USH2A: variants seen among roughly 807,000 people sequenced by gnomAD.
USH2A encodes the protein usherin.
In USH2A, 443 loss-of-function variants were observed where a neutral mutation model predicts 538.9. The observed-to-expected ratio is 0.82, with a 90% CI of 0.76 to 0.89. USH2A has a LOEUF of 0.89. Ranked by LOEUF, USH2A falls within the 40% of genes least tolerant of loss-of-function variation. USH2A has a pLI of 0.00. For synonymous variants in USH2A, 2,413 were observed against 2,273.5 expected (o/e 1.06, Z -1.75); for missense variants, 6,633 against 6,324.8 (o/e 1.05, Z -1.65).
chr1:215,700,795 G>A (rs1454426163), intron 61 of USH2A, among the ~76,000 whole-genome samples: 1 of 151,952 alleles, frequency 6.6e-6, no homozygotes, highest in South Asian at 2.1e-4. Flanking sequence ...GGTTTTTCAT[G>A]TCTCTATCTT....
chr1:216,166,285 G>C (rs945753391), intron 21 of USH2A, among the ~76,000 whole-genome samples: 4 of 152,212 alleles, frequency 2.6e-5, no homozygotes, highest in Non-Finnish European at 4.4e-5. Flanking sequence ...TATGTTCAAA[G>C]AGATGGGCAT....
Position 215,996,560 on chromosome 1 carries a change from GTTTTTTTTTTTTTTTTTTTTTT to G in USH2A, c.6657+2305_6657+2326del, listed in dbSNP as rs753233925. On this transcript the variant is annotated intron_variant, in intron 34 of 71. Transcript: ENST00000307340. ...TTTGTTGAGAGTAGCAACATATTATGTTTTTTTTTTTTTTTTTTTTTTTTTTTTTTTTTTTGCAGTGGAAAGA... is the reference window on the plus strand; with the variant it reads ...TTTGTTGAGAGTAGCAACATATTATGTTTTTTTTTTTTTGCAGTGGAAAGA... Among the ~76,000 whole-genome samples, 66 of 51,722 alleles carry G rather than the reference GTTTTTTTTTTTTTTTTTTTTTT, an allele frequency of 1.3e-3. 3 individuals are homozygous for G. In the Admixed American group the frequency reaches 0.02, roughly 16 times the overall value. The allele number at this position is 51,722 out of a possible 152,430, so 33.9% of individuals were successfully genotyped here. A position where few individuals can be genotyped will look rare whatever the true frequency, so the allele number is the denominator to read the frequency against.
At chr1:215,779,107 C>A (rs1661545914) in intron 55 of USH2A, among the ~76,000 whole-genome samples, 1 of 152,102 alleles carries the variant, frequency 6.6e-6, no homozygotes, top group Admixed American at 6.6e-5. Flanking sequence ...AGACAAAAAA[C>A]AAACACTAAA....
chr1:215,758,243 G>A (rs534271488), intron 58 of USH2A, among the ~76,000 whole-genome samples: 1 of 149,738 alleles, frequency 6.7e-6, no homozygotes, highest in Non-Finnish European at 1.5e-5. Flanking sequence ...CTGAGATTGC[G>A]CCATTGCACC....
intron 22 of USH2A, 114 bp from the exon 23 acceptor site, chr1:216,089,253 C>A: frequency 8.8e-7 from 1 of 1,131,892 alleles, no homozygotes; most frequent in South Asian, 1.3e-5. Context: ...CTGATACAAG[C>A]ATGCATACAT....
At position 216,088,203 on chromosome 1, in the gene USH2A, G is replaced by A. The variant is rs553472142; in HGVS notation, c.4885+810C>T. Among the ~76,000 whole-genome samples the A allele has an allele frequency of 2.6e-5, 4 of 151,830 alleles. No homozygotes were observed. The South Asian group carries it at 8.3e-4, about 32-fold the overall frequency. ...CATGGTTTCCCCTTTGTCCCTTTAG[G>A]TCTCTGCTCAAATGTCACCTCATCA... On this transcript the variant is annotated intron_variant, in intron 23 of 71. Coordinates refer to ENST00000307340, the MANE Select transcript of USH2A (RefSeq NM_206933.4).
In USH2A at chr1:216,335,280, G is replaced by A. The variant is rs1167998957; in HGVS notation, c.785-7626C>T. Among the ~76,000 whole-genome samples the A allele has an allele frequency of 2.0e-5, 3 of 151,394 alleles. No homozygotes were observed. In the East Asian group the frequency reaches 5.8e-4, roughly 29 times the overall value. On this transcript the variant is annotated intron_variant, in intron 4 of 71. Transcript: ENST00000307340. Reference sequence around the variant, plus strand: ...AACATGCAACATATCACACTTTATGGGATTTAAGTAGTGTTTAAAGTGATA... The same window carrying A: ...AACATGCAACATATCACACTTTATGAGATTTAAGTAGTGTTTAAAGTGATA...
At chr1:216,188,795 C>T (rs796467910) in intron 20 of USH2A, among the ~76,000 whole-genome samples, 16 of 151,982 alleles carry the variant, frequency 1.1e-4, no homozygotes, top group African/African-American at 3.9e-4. Flanking sequence ...TGTTTTGCAA[C>T]CCTGAGAGGA....
intron 60 of USH2A, among the ~76,000 whole-genome samples, chr1:215,736,071 A>C (rs1187340435): frequency 6.6e-6 from 1 of 151,784 alleles, no homozygotes; most frequent in African/African-American, 2.4e-5. Context: ...CAGGCCCTGG[A>C]AGCCATATCT....
At chr1:215,826,992 A>C (rs1663176148) in intron 47 of USH2A, among the ~76,000 whole-genome samples, 1 of 152,114 alleles carries the variant, frequency 6.6e-6, no homozygotes. Flanking sequence ...TGCAGAAGTG[A>C]GTGTTGGAAA....
chr1:215,756,973 C>T (rs1323247136), intron 58 of USH2A, among the ~76,000 whole-genome samples: 2 of 151,456 alleles, frequency 1.3e-5, no homozygotes, highest in Non-Finnish European at 2.9e-5. Flanking sequence ...TAAAATTAAA[C>T]AAAAGTAGAA....
chr1:216,331,833 A>C (rs2037869324), intron 4 of USH2A, among the ~76,000 whole-genome samples: 1 of 152,158 alleles, frequency 6.6e-6, no homozygotes. Context: ...TGAGGAAACG[A>C]ATAAAAGGAC....
At chr1:216,260,557 T>C (rs911285204) in intron 11 of USH2A, among the ~76,000 whole-genome samples, 1 of 152,120 alleles carries the variant, frequency 6.6e-6, no homozygotes, top group African/African-American at 2.4e-5. Flanking sequence ...CACATATCCA[T>C]CCCTCACAAC....
chr1:216,026,724 A>G (rs1357697100), intron 32 of USH2A, among the ~76,000 whole-genome samples: 2 of 152,170 alleles, frequency 1.3e-5, no homozygotes, highest in Non-Finnish European at 2.9e-5. Context: ...AGTACTCATG[A>G]TCTAGTGAGA....
intron 32 of USH2A, among the ~76,000 whole-genome samples, chr1:216,003,195 A>T (rs1240586492): frequency 6.6e-6 from 1 of 152,108 alleles, no homozygotes; most frequent in African/African-American, 2.4e-5. Context: ...AGAGGGTTAG[A>T]ATGGCTAGTG....
chr1:216,250,865 AAT>A (rs1179136255), intron 12 of USH2A, 36 bp downstream of exon 12: 1 of 1,601,262 alleles, frequency 6.2e-7, no homozygotes, highest in East Asian at 2.2e-5. Context: ...TCCAGATGGT[AAT>A]AGAGATGTGA....
intron 9 of USH2A, among the ~76,000 whole-genome samples, chr1:216,309,058 G>C (rs1487409841): frequency 1.3e-5 from 2 of 152,204 alleles, no homozygotes; most frequent in Non-Finnish European, 2.9e-5. Flanking sequence ...AAAAATAGCT[G>C]TGTATAATGT....
At chr1:216,129,696 C>T (rs148986310) in intron 21 of USH2A, among the ~76,000 whole-genome samples, 102 of 151,408 alleles carry the variant, frequency 6.7e-4, no homozygotes, top group African/African-American at 2.3e-3. Context: ...TTATAAAAAT[C>T]GAAAAAAAAT....
intron 11 of USH2A, among the ~76,000 whole-genome samples, chr1:216,275,828 T>C (rs2036660723): frequency 6.6e-6 from 1 of 152,124 alleles, no homozygotes; most frequent in South Asian, 2.1e-4. Flanking sequence ...CTATTTCCTA[T>C]TTAGGAATTT....
Sources: allele counts gnomAD v4.1 joint callset (sites outside exome capture counted in the v4.1 genomes callset), GRCh38; gene constraint gnomAD v4.1.1; transcripts MANE v1.5; gene names NCBI Gene and HGNC (gene_info 2026-07-23, HGNC 2026-07-21).